FZD3: variants seen among roughly 807,000 people sequenced by gnomAD.
FZD3 encodes frizzled-3.
Under a neutral mutation model 60.7 loss-of-function variants are expected in FZD3, and 30 were observed. That is an observed-to-expected ratio of 0.49 (90% CI 0.37 to 0.67). The LOEUF is 0.67. Among genes scored for constraint, FZD3 ranks in the 30% least tolerant of loss-of-function variants. The pLI is 0.00. For missense variants in FZD3, 605 were observed against 838.7 expected, an observed-to-expected ratio of 0.72 and a Z score of 3.44; for synonymous variants, 246 against 275.2, an observed-to-expected ratio of 0.89 and a Z score of 1.05.
chr8:28,527,619 A>G lies in FZD3; in HGVS notation c.859A>G (p.Thr287Ala). Residue 287 changes from threonine (T) to alanine (A), a missense_variant, in exon 5 of 8, where the codon ACC (threonine) becomes GCC (alanine). Physicochemically the swap from Thr to Ala is moderately conservative, Grantham distance 58 (BLOSUM62 0). Transcript: ENST00000240093. This position sits in a 1 kb window ranked among gnomAD's most constrained non-coding sequence, Gnocchi z 5.0. ...ACAAGGATCTCATAATAAAGCCTGT[A>G]CCATGCTTTTTATGATACTCTATTT... ...VTQGSHNKAC[T>A]MLFMILYFFT... is the part of the protein sequence containing the mutation. The G allele has an allele frequency of 2.5e-6, 4 of 1,613,792 alleles. No individual in the cohort carries two copies. In the South Asian group the frequency reaches 4.4e-5, roughly 18 times the overall value.
chr8:28,540,063 T>G (rs942338678), intron 5 of FZD3, among the ~76,000 whole-genome samples: 1 of 152,108 alleles, frequency 6.6e-6, no homozygotes, highest in Non-Finnish European at 1.5e-5. Context: ...CCAAGCAGTG[T>G]TAGTGGAGAT....
At chr8:28,554,902 C>G (rs1262851337) in intron 6 of FZD3, among the ~76,000 whole-genome samples, 1 of 152,054 alleles carries the variant, frequency 6.6e-6, no homozygotes, top group African/African-American at 2.4e-5. Context: ...CTAATTTTAA[C>G]TTTATGAGTT....
Position 28,564,690 on chromosome 8 carries a change from CTGTAGTTATAAAAAT to C in FZD3, c.*1680_*1694del, listed in dbSNP as rs1415638234. The C allele has an allele frequency of 6.6e-6, 1 of 152,170 alleles. No homozygotes were observed. Among genetic ancestry groups the C allele is most frequent in the Non-Finnish European group, 1.5e-5 (1 of 68,030 alleles). 9.4% of individuals were successfully genotyped at this position (152,170 alleles called of 1,614,324 possible). The stretch of plus-strand genomic sequence containing the variant: ...GGCCAAAGTGATAGGACTTTAAAAT[CTGTAGTTATAAAAAT>C]ACCGCAGGTGATTCTTACGGAGGTA... On this transcript the variant is annotated 3_prime_UTR_variant, in exon 8 of 8. Coordinates refer to ENST00000240093, the MANE Select transcript of FZD3 (RefSeq NM_017412.4).
At chr8:28,538,096 G>A (rs758377798) in intron 5 of FZD3, among the ~76,000 whole-genome samples, 2 of 150,966 alleles carry the variant, frequency 1.3e-5, no homozygotes, top group Non-Finnish European at 3.0e-5. Flanking sequence ...CAGCCTGGGC[G>A]ACAAGAGTGA....
At position 28,527,807 on chromosome 8, in the gene FZD3, G is replaced by A. The variant is rs758164477; in HGVS notation, c.1047G>A (p.Met349Ile). The change falls in exon 5 of 8, where the codon ATG becomes ATA. Residue 349 changes from methionine to isoleucine, a missense_variant. By Grantham distance (10) the Met-to-Ile change is conservative. Coordinates refer to ENST00000240093, the MANE Select transcript of FZD3 (RefSeq NM_017412.4). The surrounding 1 kb of genome is among the most constrained non-coding windows in gnomAD (Gnocchi z 5.0). Reference protein sequence around the residue: ...PGTLTIILLAMNKIEGDNISG... With the variant: ...PGTLTIILLAINKIEGDNISG... The stretch of plus-strand genomic sequence containing the variant: ...CTCTAACCATCATCCTTTTAGCGAT[G>A]AATAAAATTGAAGGTGACAATATTA... The A allele has an allele frequency of 1.2e-6, 2 of 1,614,150 alleles. No individual in the cohort carries two copies. The highest frequency in any genetic ancestry group is 1.7e-5 in the Admixed American group (1 of 60,014).
chr8:28,498,672 T>C (rs1026001137), intron 1 of FZD3, among the ~76,000 whole-genome samples: 1 of 152,178 alleles, frequency 6.6e-6, no homozygotes, highest in Admixed American at 6.6e-5. Context: ...CCACCTCTCA[T>C]GTTGAAGCAA....
chr8:28,539,133 C>T (rs937796971), intron 5 of FZD3, among the ~76,000 whole-genome samples: 6 of 152,146 alleles, frequency 3.9e-5, no homozygotes, highest in African/African-American at 1.4e-4. Flanking sequence ...CAGTATAGGT[C>T]CACACAGCAG....
chr8:28,551,975 T>C (rs1227136730), intron 6 of FZD3, among the ~76,000 whole-genome samples: 1 of 152,204 alleles, frequency 6.6e-6, no homozygotes, highest in Admixed American at 6.5e-5. Flanking sequence ...AGGCCTCCTG[T>C]ACTAATTCAG....
At chr8:28,524,079 C>T (rs1804654278) in intron 4 of FZD3, among the ~76,000 whole-genome samples, 1 of 152,068 alleles carries the variant, frequency 6.6e-6, no homozygotes, top group Non-Finnish European at 1.5e-5. Context: ...GAAATAAATC[C>T]CTGGTTTTTA....
At chr8:28,547,374 CAT>C in intron 5 of FZD3, among the ~76,000 whole-genome samples, 1 of 152,276 alleles carries the variant, frequency 6.6e-6, no homozygotes, top group South Asian at 2.1e-4. Flanking sequence ...AATACTTGAA[CAT>C]ACATCATTTC....
chr8:28,519,638 G>A (rs955383532), intron 3 of FZD3, among the ~76,000 whole-genome samples: 9 of 151,696 alleles, frequency 5.9e-5, no homozygotes, highest in Non-Finnish European at 7.4e-5. Flanking sequence ...GCTGAGGTGG[G>A]AGGATTGTTT....
At chr8:28,530,142 TTG>T (rs1804830347) in intron 5 of FZD3, among the ~76,000 whole-genome samples, 1 of 110,178 alleles carries the variant, frequency 9.1e-6, no homozygotes, top group African/African-American at 3.5e-5. Context: ...TGTGTGTGTG[TTG>T]GGGGGGATTA....
At chr8:28,543,388 G>GT (rs11354086) in intron 5 of FZD3, among the ~76,000 whole-genome samples, 126 of 146,894 alleles carry the variant, frequency 8.6e-4, no homozygotes, top group Admixed American at 1.6e-3. Flanking sequence ...TTTTGTTTTT[G>GT]TTTTTTTTTT....
chr8:28,531,509 G>A (rs1210694382), intron 5 of FZD3, among the ~76,000 whole-genome samples: 1 of 151,986 alleles, frequency 6.6e-6, no homozygotes, highest in Non-Finnish European at 1.5e-5. Flanking sequence ...AGTTTCTATT[G>A]GAATTTTTGC....
At chr8:28,498,603 C>G (rs1585937421) in intron 1 of FZD3, among the ~76,000 whole-genome samples, 1 of 152,064 alleles carries the variant, frequency 6.6e-6, no homozygotes, top group Non-Finnish European at 1.5e-5. Context: ...TTTTTTGAGA[C>G]AGTCTCACTC....
At chr8:28,522,437 A>G (rs952074146) in intron 4 of FZD3, among the ~76,000 whole-genome samples, 6 of 152,000 alleles carry the variant, frequency 3.9e-5, no homozygotes, top group African/African-American at 1.4e-4. Flanking sequence ...TTTCGCACCT[A>G]TTTTACCTTC....
chr8:28,539,009 C>A (rs1805092140), intron 5 of FZD3, among the ~76,000 whole-genome samples: 1 of 151,928 alleles, frequency 6.6e-6, no homozygotes. Flanking sequence ...GTTTTTAGTT[C>A]TTACTCTCTC....
chr8:28,553,902 G>A lies in FZD3; in HGVS notation c.1554-1836G>A, dbSNP rs142187675. On this transcript the variant is annotated intron_variant, in intron 6 of 7. Coordinates refer to ENST00000240093, the MANE Select transcript of FZD3 (RefSeq NM_017412.4). ...CACTTTACACATTAAATCATTTAACGCTGTAAACAGCCATGTGATGGAGGA... is the reference window on the plus strand; with the variant it reads ...CACTTTACACATTAAATCATTTAACACTGTAAACAGCCATGTGATGGAGGA... Among the ~76,000 whole-genome samples the A allele has an allele frequency of 4.5e-3, 683 of 152,276 alleles. 3 individuals are homozygous for A. Among genetic ancestry groups the A allele is most frequent in the African/African-American group, 0.016 (657 of 41,550 alleles).
intron 6 of FZD3, 76 bp from the exon 7 acceptor site, chr8:28,555,662 G>T (rs1367764964): frequency 6.2e-6 from 5 of 807,230 alleles, no homozygotes; most frequent in Admixed American, 1.9e-5. Context: ...AATAATATCA[G>T]TGTTTCAGAG....
Sources: allele counts gnomAD v4.1 joint callset (sites outside exome capture counted in the v4.1 genomes callset), GRCh38; gene constraint gnomAD v4.1.1; non-coding constraint Gnocchi (gnomAD v3.1); transcripts MANE v1.5; gene names NCBI Gene and HGNC (gene_info 2026-07-23, HGNC 2026-07-21).